The following PCDHGA2 variants were observed in gnomAD, a reference collection of about 807,000 sequenced individuals.
PCDHGA2 encodes protocadherin gamma subfamily A, 2.
PCDHGA2 carries 40 observed loss-of-function variants against 59.2 expected under a neutral mutation model. The ratio of observed to expected loss-of-function variants is 0.68; its 90% CI spans 0.52 to 0.88. The LOEUF is 0.88. Among genes scored for constraint, PCDHGA2 ranks in the 40% least tolerant of loss-of-function variants. PCDHGA2 has a pLI of 0.00. For synonymous variants in PCDHGA2, 560 were observed against 526.0 expected (o/e 1.06, Z -0.89); for missense variants, 1,226 against 1,204.0 (o/e 1.02, Z -0.27).
At chr5:141,356,920 G>T in intron 1 of PCDHGA2, 1 of 1,613,924 alleles carries the variant, frequency 6.2e-7, no homozygotes, top group Non-Finnish European at 8.5e-7. Flanking sequence ...TGGCTCCACT[G>T]GTGTGGAGCT....
chr5:141,357,873 C>A, intron 1 of PCDHGA2: 1 of 560,256 alleles, frequency 1.8e-6, no homozygotes, highest in South Asian at 2.2e-5. Context: ...TTTTACAACT[C>A]TGAGCCACCT....
chr5:141,476,483 G>T lies in PCDHGA2; in HGVS notation c.2425-18324G>T. On this transcript the variant is annotated intron_variant, in intron 1 of 3. Coordinates refer to ENST00000394576, the MANE Select transcript of PCDHGA2 (RefSeq NM_018915.4). The surrounding 1 kb of genome is among the most constrained non-coding windows in gnomAD (Gnocchi z 7.6). ...CCCGCTGGAGCTGTTCAGCGTGGAA[G>T]TGGTGATCCAGGACATCAACGACAA... 6.2e-7 allele frequency: 1 copy of T among 1,614,166 alleles called. No homozygotes were observed. The highest frequency in any genetic ancestry group is 8.5e-7 in the Non-Finnish European group (1 of 1,180,034).
chr5:141,473,254 T>C (rs1203765731), intron 1 of PCDHGA2, among the ~76,000 whole-genome samples: 5 of 152,152 alleles, frequency 3.3e-5, no homozygotes, highest in African/African-American at 4.8e-5. Context: ...ACATATATAG[T>C]CCTTAGTGTA....
rs2099623857 is a variant in PCDHGA2, at chr5:141,486,060, A to ACC, written c.2425-8744_2425-8743dup. On this transcript the variant is annotated intron_variant, in intron 1 of 3. Transcript: ENST00000394576. This position sits in a 1 kb window ranked among gnomAD's most constrained non-coding sequence, Gnocchi z 5.0. Reference sequence around the variant, plus strand: ...CGTGTAAGAAACCTCTTTAGCCTGCACCCCACTACTGGAAAGCTTACTCTT... The same window carrying ACC: ...CGTGTAAGAAACCTCTTTAGCCTGCACCCCCCACTACTGGAAAGCTTACTCTT... The ACC allele has an allele frequency of 1.2e-6, 2 of 1,613,980 alleles. No homozygotes were observed. The highest frequency in any genetic ancestry group is 1.7e-6 in the Non-Finnish European group (2 of 1,179,980).
At position 141,339,963 on chromosome 5, in the gene PCDHGA2, C is replaced by T. The variant is rs767074636; in HGVS notation, c.992C>T (p.Ala331Val). The T allele has an allele frequency of 6.2e-6, 10 of 1,613,874 alleles. No individual in the cohort carries two copies. The highest frequency in any genetic ancestry group is 5.0e-5 in the Admixed American group (3 of 59,986). Residue 331 changes from alanine to valine, a missense_variant, in exon 1 of 4, where the codon GCG (alanine) becomes GTG (valine). Coordinates refer to ENST00000394576, the MANE Select transcript of PCDHGA2 (RefSeq NM_018915.4). Reference sequence around the variant, plus strand: ...GATGGTCCGGGCCTTCTAACCAGAGCGAAGGTTATCGTCACGGTTCTGGAT... The same window carrying T: ...GATGGTCCGGGCCTTCTAACCAGAGTGAAGGTTATCGTCACGGTTCTGGAT... Reference protein sequence around the residue: ...AQDGPGLLTRAKVIVTVLDVN... With the variant: ...AQDGPGLLTRVKVIVTVLDVN...
In PCDHGA2 at chr5:141,375,407, G is replaced by A. The variant is rs192651675; in HGVS notation, c.2424+34012G>A. 5.6e-6 allele frequency: 9 copies of A among 1,613,974 alleles called. No individual in the cohort carries two copies. The Admixed American group carries it at 1.5e-4, about 27-fold the overall frequency. ...TACAGAAACAATCATCTCTCTAAAT[G>A]TGGCAGACACCAACGACAACCCGCC... On this transcript the variant is annotated intron_variant, in intron 1 of 3. Transcript: ENST00000394576.
At chr5:141,463,301 A>G (rs1277348576) in intron 1 of PCDHGA2, among the ~76,000 whole-genome samples, 2 of 151,638 alleles carry the variant, frequency 1.3e-5, no homozygotes, top group South Asian at 2.1e-4. Flanking sequence ...AATCTCCCCA[A>G]ACTCTAATAT....
chr5:141,355,840 G>T (rs1760009491), intron 1 of PCDHGA2: 1 of 1,612,168 alleles, frequency 6.2e-7, no homozygotes, highest in East Asian at 2.2e-5. Context: ...CGTTCTCACG[G>T]CCTTCGATGG....
chr5:141,394,358 T>C (rs535265859), intron 1 of PCDHGA2: 13 of 1,614,188 alleles, frequency 8.1e-6, no homozygotes, highest in Middle Eastern at 1.6e-4. Flanking sequence ...GTGTCCTGTA[T>C]GCGCTGCAAT....
At chr5:141,508,927 A>C (rs1562237319) in intron 3 of PCDHGA2, among the ~76,000 whole-genome samples, 1 of 151,542 alleles carries the variant, frequency 6.6e-6, no homozygotes. Context: ...TTCCTTTTGG[A>C]GTTAATTAGG....
chr5:141,473,887 C>T (rs887871337), intron 1 of PCDHGA2, among the ~76,000 whole-genome samples: 3 of 152,144 alleles, frequency 2.0e-5, no homozygotes, highest in Non-Finnish European at 2.9e-5. Context: ...CACAAGGGTT[C>T]TGTTGGTTCA....
intron 2 of PCDHGA2, among the ~76,000 whole-genome samples, chr5:141,502,654 C>G (rs1424933188): frequency 6.6e-6 from 1 of 152,112 alleles, no homozygotes; most frequent in African/African-American, 2.4e-5. Context: ...TAGGCAGCAA[C>G]CCTTCATGCA....
chr5:141,365,643 T>A (rs1319252902), intron 1 of PCDHGA2: 10 of 1,613,296 alleles, frequency 6.2e-6, no homozygotes, highest in Non-Finnish European at 8.5e-6. Flanking sequence ...GAAAGCCACA[T>A]CCCCTTGAAA....
At chr5:141,443,166 C>G (rs914863821) in intron 1 of PCDHGA2, among the ~76,000 whole-genome samples, 1 of 152,124 alleles carries the variant, frequency 6.6e-6, no homozygotes, top group African/African-American at 2.4e-5. Flanking sequence ...ATTTCCCTAC[C>G]CATGTCCACT....
At chr5:141,390,854 T>G (rs1366490028) in intron 1 of PCDHGA2, 1 of 157,616 alleles carries the variant, frequency 6.3e-6, no homozygotes, top group Non-Finnish European at 1.4e-5. Context: ...ATATGCAGTG[T>G]ACGCTGTGTG....
At chr5:141,404,520 A>C (rs1483361714) in intron 1 of PCDHGA2, 2 of 1,613,916 alleles carry the variant, frequency 1.2e-6, no homozygotes, top group Non-Finnish European at 1.7e-6. Context: ...TTTGACTATG[A>C]GCAGTTTAGA....
At chr5:141,389,743 G>T in intron 1 of PCDHGA2, 8 of 1,612,624 alleles carry the variant, frequency 5.0e-6, no homozygotes, top group Non-Finnish European at 6.8e-6. Flanking sequence ...CTGGGGCTGC[G>T]CACGGGCGAA....
chr5:141,395,403 A>C (rs1383871945), intron 1 of PCDHGA2: 7 of 849,376 alleles, frequency 8.2e-6, no homozygotes, highest in Non-Finnish European at 1.2e-5. Context: ...TCTAATAGTC[A>C]TAGGTTATTG....
intron 1 of PCDHGA2, among the ~76,000 whole-genome samples, chr5:141,348,573 T>C (rs1163428594): frequency 6.6e-6 from 1 of 152,218 alleles, no homozygotes. Context: ...AGCCTACATA[T>C]GTGTCATGAA....
Sources: gnomAD v4.1 joint callset for allele counts (sites outside exome capture counted in the v4.1 genomes callset) on GRCh38, gnomAD v4.1.1 for gene constraint, Gnocchi (gnomAD v3.1) non-coding constraint, MANE v1.5 for transcripts, NCBI Gene and HGNC (gene_info 2026-07-23, HGNC 2026-07-21) for gene names.